Variants in UMAD1 observed in about 807,000 individuals in gnomAD.
UMAD1 encodes UBAP1-MVB12-associated (UMA)-domain containing protein 1.
UMAD1 carries 8 observed loss-of-function variants against 6.1 expected under a neutral mutation model. The observed-to-expected ratio is 1.30, with a 90% CI of 0.76 to 2.35. The LOEUF (loss-of-function observed/expected upper bound fraction) is 2.35. Ranked by LOEUF, UMAD1 falls within the 30% of genes most tolerant of loss-of-function variation. The pLI is 0.00. For synonymous variants in UMAD1, 56 were observed against 31.4 expected (o/e 1.78, Z -2.61); for missense variants, 130 against 78.4 (o/e 1.66, Z -2.49).
intron 1 of UMAD1, among the ~76,000 whole-genome samples, chr7:7,649,073 G>T (rs1363675635): frequency 6.9e-6 from 1 of 145,232 alleles, no homozygotes; most frequent in Non-Finnish European, 1.5e-5. Flanking sequence ...CAGGAGAATC[G>T]CTTGAACCCA....
At chr7:7,827,122 GATATAT>G (rs112036833) in intron 3 of UMAD1, among the ~76,000 whole-genome samples, 390 of 140,394 alleles carry the variant, frequency 2.8e-3, no homozygotes, top group South Asian at 6.8e-3. Flanking sequence ...CACAGTCCAG[GATATAT>G]ATATATATAT....
chr7:7,816,726 A>G (rs1783133893), intron 3 of UMAD1, among the ~76,000 whole-genome samples: 1 of 152,106 alleles, frequency 6.6e-6, no homozygotes, highest in Admixed American at 6.5e-5. Context: ...TCTCAACCCA[A>G]TTGATCACCA....
intron 2 of UMAD1, among the ~76,000 whole-genome samples, chr7:7,745,408 A>G (rs1247957139): frequency 6.6e-6 from 1 of 152,136 alleles, no homozygotes; most frequent in East Asian, 1.9e-4. Flanking sequence ...TGAACTCCTT[A>G]CGGGGTGTGC....
chr7:7,818,267 G>C (rs1563231281), intron 3 of UMAD1, among the ~76,000 whole-genome samples: 1 of 152,130 alleles, frequency 6.6e-6, no homozygotes, highest in Non-Finnish European at 1.5e-5. Flanking sequence ...GTTTGCTAAG[G>C]ATAAAGGCCT....
Position 7,646,882 on chromosome 7 carries a change from G to C in UMAD1, c.-64+6061G>C, listed in dbSNP as rs567994029. Among the ~76,000 whole-genome samples the C allele has an allele frequency of 2.6e-5, 4 of 152,230 alleles. No homozygotes were observed. In the South Asian group the frequency reaches 8.3e-4, roughly 32 times the overall value. On this transcript the variant is annotated intron_variant, in intron 1 of 3. Coordinates refer to ENST00000682710, the MANE Select transcript of UMAD1 (RefSeq NM_001302348.2). ...TTGGGGTTTATATGGGCACAGAATA[G>C]GGGTGACATATTGGGCCAAAAGGCA...
At chr7:7,787,040 A>C (rs1782474099) in intron 2 of UMAD1, among the ~76,000 whole-genome samples, 1 of 152,344 alleles carries the variant, frequency 6.6e-6, no homozygotes, top group East Asian at 1.9e-4. Context: ...TCTGTTTTGC[A>C]ATAAGGCACG....
chr7:7,710,405 A>G (rs1303580009), intron 2 of UMAD1, among the ~76,000 whole-genome samples: 1 of 152,236 alleles, frequency 6.6e-6, no homozygotes, highest in African/African-American at 2.4e-5. Context: ...GAAAATGGGC[A>G]AAAGACATGA....
chr7:7,869,940 C>G (rs753531956), intron 3 of UMAD1, among the ~76,000 whole-genome samples: 1 of 152,112 alleles, frequency 6.6e-6, no homozygotes, highest in Admixed American at 6.6e-5. Flanking sequence ...GCCTTGTATT[C>G]TTGGAGTGTG....
chr7:7,729,643 C>A (rs1164020145), intron 2 of UMAD1, among the ~76,000 whole-genome samples: 1 of 152,162 alleles, frequency 6.6e-6, no homozygotes, highest in African/African-American at 2.4e-5. Flanking sequence ...ATTTCTTTCC[C>A]TTCCTAGATC....
intron 1 of UMAD1, among the ~76,000 whole-genome samples, chr7:7,649,753 C>T (rs1785182581): frequency 1.3e-5 from 2 of 152,090 alleles, no homozygotes; most frequent in South Asian, 4.1e-4. Flanking sequence ...TCTCCCCCCA[C>T]CCAATTCATA....
At chr7:7,762,154 A>G (rs1237261787) in intron 2 of UMAD1, among the ~76,000 whole-genome samples, 1 of 152,166 alleles carries the variant, frequency 6.6e-6, no homozygotes, top group Non-Finnish European at 1.5e-5. Flanking sequence ...GAATATCTGT[A>G]CTGTTGATCC....
intron 2 of UMAD1, among the ~76,000 whole-genome samples, chr7:7,788,170 C>T (rs1387234012): frequency 2.0e-5 from 3 of 152,188 alleles, no homozygotes; most frequent in South Asian, 2.1e-4. Flanking sequence ...CAAGGTAGTG[C>T]GTGTAATTAA....
intron 3 of UMAD1, among the ~76,000 whole-genome samples, chr7:7,812,213 T>C (rs1783033933): frequency 6.6e-6 from 1 of 152,184 alleles, no homozygotes; most frequent in African/African-American, 2.4e-5. Flanking sequence ...GTGAGGTGTA[T>C]GAGAGCAACC....
intron 2 of UMAD1, among the ~76,000 whole-genome samples, chr7:7,762,527 G>A (rs954209099): frequency 2.0e-5 from 3 of 152,120 alleles, no homozygotes; most frequent in East Asian, 1.9e-4. Context: ...AACATTGATT[G>A]TGTGACTGCT....
chr7:7,820,189 A>G (rs188761484), intron 3 of UMAD1, among the ~76,000 whole-genome samples: 4 of 37,692 alleles, frequency 1.1e-4, no homozygotes, highest in Admixed American at 1.1e-3. Flanking sequence ...ATGGTGATAC[A>G]GGAGAGTATG....
chr7:7,708,002 T>TC (rs1780648475), intron 2 of UMAD1, among the ~76,000 whole-genome samples: 1 of 152,202 alleles, frequency 6.6e-6, no homozygotes, highest in African/African-American at 2.4e-5. Context: ...TTAATGCGGC[T>TC]CCTCCTGAAT....
intron 3 of UMAD1, among the ~76,000 whole-genome samples, chr7:7,875,079 A>G (rs1178320304): frequency 1.3e-5 from 2 of 152,104 alleles, no homozygotes; most frequent in Non-Finnish European, 2.9e-5. Context: ...CGGCCCAGAA[A>G]ATTATTCTTC....
At chr7:7,743,802 C>A (rs984091457) in intron 2 of UMAD1, among the ~76,000 whole-genome samples, 4 of 151,756 alleles carry the variant, frequency 2.6e-5, no homozygotes, top group Admixed American at 6.6e-5. Context: ...TAACCATTTA[C>A]AAGTGTACAA....
At chr7:7,784,788 G>C (rs1400362133) in intron 2 of UMAD1, among the ~76,000 whole-genome samples, 3 of 110,214 alleles carry the variant, frequency 2.7e-5, no homozygotes, top group African/African-American at 1.2e-4. Flanking sequence ...TTGAGACGGA[G>C]TCTTGCTGTG....
Sources: allele counts gnomAD v4.1 joint callset (sites outside exome capture counted in the v4.1 genomes callset), GRCh38; gene constraint gnomAD v4.1.1; transcripts MANE v1.5; gene names NCBI Gene and HGNC (gene_info 2026-07-23, HGNC 2026-07-21).